Variants in WDPCP observed in about 807,000 individuals in gnomAD.
WDPCP encodes WD repeat-containing and planar cell polarity effector protein fritz homolog.
A neutral mutation model predicts 93.1 loss-of-function variants in WDPCP; 71 were observed. The ratio of observed to expected loss-of-function variants is 0.76; its 90% CI spans 0.63 to 0.93. WDPCP has a LOEUF of 0.93. Among genes scored for constraint, WDPCP ranks in the 40% least tolerant of loss-of-function variants. WDPCP has a pLI of 0.00. For synonymous variants in WDPCP, 315 were observed against 315.0 expected (o/e 1.00, Z 0.00); for missense variants, 844 against 887.4 (o/e 0.95, Z 0.62).
chr2:63,631,568 A>G (rs764434172), intron 3 of WDPCP, among the ~76,000 whole-genome samples: 8 of 152,286 alleles, frequency 5.3e-5, no homozygotes, highest in Admixed American at 3.9e-4. Context: ...AATAATAATT[A>G]AACAGCTATC....
chr2:63,673,680 T>G (rs1710372315), intron 2 of WDPCP, among the ~76,000 whole-genome samples: 1 of 152,236 alleles, frequency 6.6e-6, no homozygotes, highest in South Asian at 2.1e-4. Flanking sequence ...ATTACTCATT[T>G]ACAGCATTTG....
intron 1 of WDPCP, among the ~76,000 whole-genome samples, chr2:63,814,168 C>G (rs1411130482): frequency 6.6e-6 from 1 of 151,912 alleles, no homozygotes; most frequent in Non-Finnish European, 1.5e-5. Context: ...GACTGGTTAC[C>G]CAAAAGTTAT....
intron 2 of WDPCP, among the ~76,000 whole-genome samples, chr2:63,760,661 CT>C (rs1187713246): frequency 1.3e-5 from 2 of 152,044 alleles, no homozygotes; most frequent in Non-Finnish European, 2.9e-5. Context: ...TCCTTCTTAC[CT>C]TTTCCAAAGC....
intron 14 of WDPCP, among the ~76,000 whole-genome samples, chr2:63,203,040 T>C (rs12151606): frequency 0.2 from 30,608 of 152,104 alleles, 3,934 homozygotes; most frequent in Non-Finnish European, 0.3. Flanking sequence ...TTGTCTGCCT[T>C]ATTTGGGGTG....
chr2:63,347,174 C>G (rs974452683), intron 12 of WDPCP, among the ~76,000 whole-genome samples: 1 of 152,126 alleles, frequency 6.6e-6, no homozygotes, highest in African/African-American at 2.4e-5. Context: ...TTAATCTTGA[C>G]AACAGCCCTG....
chr2:63,575,481 G>GT (rs1707992499), intron 1 of WDPCP, among the ~76,000 whole-genome samples: 3 of 101,602 alleles, frequency 3.0e-5, no homozygotes, highest in Non-Finnish European at 5.8e-5. Flanking sequence ...TATATACAGT[G>GT]TATATATAGT....
intron 3 of WDPCP, among the ~76,000 whole-genome samples, chr2:63,616,215 C>A (rs1709672055): frequency 6.6e-6 from 1 of 152,090 alleles, no homozygotes; most frequent in African/African-American, 2.4e-5. Flanking sequence ...CTTTCTGAGG[C>A]ATTGATATTT....
chr2:63,754,183 C>T (rs910225215), intron 2 of WDPCP, among the ~76,000 whole-genome samples: 1 of 152,170 alleles, frequency 6.6e-6, no homozygotes, highest in East Asian at 1.9e-4. Flanking sequence ...ATGGAGGGAG[C>T]ACAACTTCCC....
intron 3 of WDPCP, among the ~76,000 whole-genome samples, chr2:63,645,813 A>T (rs1710041399): frequency 6.6e-6 from 1 of 152,214 alleles, no homozygotes; most frequent in African/African-American, 2.4e-5. Flanking sequence ...TGATATAAGT[A>T]TAGCTACTCC....
intron 1 of WDPCP, among the ~76,000 whole-genome samples, chr2:63,558,653 C>T (rs945151735): frequency 6.8e-6 from 1 of 146,544 alleles, no homozygotes; most frequent in Non-Finnish European, 1.5e-5. Flanking sequence ...ACTATAAACA[C>T]CTCTACGCAA....
chr2:63,656,296 G>C (rs1710164842), intron 2 of WDPCP, among the ~76,000 whole-genome samples: 1 of 152,170 alleles, frequency 6.6e-6, no homozygotes, highest in Non-Finnish European at 1.5e-5. Flanking sequence ...TTGCCTCCCT[G>C]CCTCAGACCT....
Position 63,823,575 on chromosome 2 carries a change from T to C in WDPCP, n.222+4047A>G, listed in dbSNP as rs116600720. 4.8e-3 allele frequency among the ~76,000 whole-genome samples: 732 copies of C among 152,274 alleles called. 3 individuals carry two copies. The highest frequency in any genetic ancestry group is 0.017 in the African/African-American group (694 of 41,564). ...AGATAGAAGATAGTACAGTGAATACTAGAATCACTAGAGTAACATTTTGTT... is the reference window on the plus strand; with the variant it reads ...AGATAGAAGATAGTACAGTGAATACCAGAATCACTAGAGTAACATTTTGTT... On this transcript the variant is annotated intron_variant and non_coding_transcript_variant, in intron 1 of 4. Coordinates refer to the WDPCP transcript ENST00000467687.
intron 2 of WDPCP, among the ~76,000 whole-genome samples, chr2:63,767,476 T>A (rs1048467409): frequency 6.6e-6 from 1 of 152,160 alleles, no homozygotes; most frequent in Non-Finnish European, 1.5e-5. Flanking sequence ...GTATGAGAGT[T>A]CCTGTTGTTC....
chr2:63,430,274 A>G (rs936153455), intron 9 of WDPCP, among the ~76,000 whole-genome samples: 1 of 152,156 alleles, frequency 6.6e-6, no homozygotes, highest in Admixed American at 6.5e-5. Flanking sequence ...ACTGGGTACT[A>G]TGCTCACTAC....
intron 1 of WDPCP, among the ~76,000 whole-genome samples, chr2:63,494,403 T>A (rs1249853564): frequency 6.6e-6 from 1 of 152,160 alleles, no homozygotes; most frequent in Non-Finnish European, 1.5e-5. Flanking sequence ...ATTTTACATG[T>A]ATTAACTCTC....
intron 12 of WDPCP, among the ~76,000 whole-genome samples, chr2:63,338,564 AAAAAAATATATATATATATATATATAT>A (rs1688595984): frequency 4.3e-5 from 1 of 23,364 alleles, no homozygotes; most frequent in African/African-American, 3.3e-4. Flanking sequence ...AAAAAAAAAA[AAAAAAATATATATATATATATATATAT>A]ATATATATAT....
At chr2:63,557,820 T>G (rs1706247664) in intron 1 of WDPCP, among the ~76,000 whole-genome samples, 1 of 151,966 alleles carries the variant, frequency 6.6e-6, no homozygotes, top group Non-Finnish European at 1.5e-5. Context: ...TGCAATCAAA[T>G]TAGAACTCAA....
At chr2:63,433,080 C>G (rs1696879311) in intron 9 of WDPCP, among the ~76,000 whole-genome samples, 1 of 152,066 alleles carries the variant, frequency 6.6e-6, no homozygotes. Flanking sequence ...AACCAAAGTA[C>G]TAGTACAAAC....
intron 14 of WDPCP, among the ~76,000 whole-genome samples, chr2:63,180,248 G>C (rs891273784): frequency 6.6e-6 from 1 of 152,062 alleles, no homozygotes; most frequent in East Asian, 1.9e-4. Flanking sequence ...TTGTTACATG[G>C]ATATACTGTG....
Sources: allele counts gnomAD v4.1 joint callset (sites outside exome capture counted in the v4.1 genomes callset), GRCh38; gene constraint gnomAD v4.1.1; transcripts MANE v1.5; gene names NCBI Gene and HGNC (gene_info 2026-07-23, HGNC 2026-07-21).